The following BAZ2B variants were observed in gnomAD, a reference collection of about 807,000 sequenced individuals.
BAZ2B encodes the protein bromodomain adjacent to zinc finger domain protein 2B.
BAZ2B carries 91 observed loss-of-function variants against 246.0 expected under a neutral mutation model. That is an observed-to-expected ratio of 0.37 (90% CI 0.31 to 0.44). The LOEUF (loss-of-function observed/expected upper bound fraction) is 0.44. Among genes scored for constraint, BAZ2B ranks in the 20% least tolerant of loss-of-function variants. The pLI, the probability that BAZ2B is intolerant of heterozygous loss-of-function variation, is 1.00. For synonymous variants in BAZ2B, 855 were observed against 860.0 expected, an observed-to-expected ratio of 0.99 and a Z score of 0.10; for missense variants, 2,332 against 2,533.7, an observed-to-expected ratio of 0.92 and a Z score of 1.71.
At chr2:159,663,981 G>A in the BAZ2B span, among the ~76,000 whole-genome samples, 4 of 77,278 alleles carry the variant, frequency 5.2e-5, no homozygotes, top group African/African-American at 1.9e-4. Context: ...ACCCACTAAC[G>A]TGTCATCTAG....
chr2:159,496,599 A>T (rs1250693212), intron 2 of BAZ2B, among the ~76,000 whole-genome samples: 3 of 150,952 alleles, frequency 2.0e-5, no homozygotes, highest in Non-Finnish European at 4.4e-5. Context: ...CCTGACCAAC[A>T]TGGAGAAACC....
intron 3 of BAZ2B, among the ~76,000 whole-genome samples, chr2:159,454,790 T>C (rs1421518377): frequency 6.6e-6 from 1 of 152,210 alleles, no homozygotes; most frequent in Non-Finnish European, 1.5e-5. Flanking sequence ...TGGTTACCAA[T>C]ATAAAAATCA....
At chr2:159,626,930 TAAAG>T in the BAZ2B span, among the ~76,000 whole-genome samples, 1 of 151,812 alleles carries the variant, frequency 6.6e-6, no homozygotes, top group East Asian at 1.9e-4. Flanking sequence ...GCCAGACTAA[TAAAG>T]AAGAAAAGAG....
chr2:159,379,575 G>C (rs1280740859), intron 25 of BAZ2B, among the ~76,000 whole-genome samples: 2 of 151,986 alleles, frequency 1.3e-5, no homozygotes, highest in Non-Finnish European at 2.9e-5. Context: ...ATTGGAAATG[G>C]AGAATTTATG....
the BAZ2B span, among the ~76,000 whole-genome samples, chr2:159,627,211 G>A: frequency 2.6e-5 from 4 of 152,028 alleles, no homozygotes; most frequent in Admixed American, 1.3e-4. Context: ...AGGACCAGAC[G>A]GATTCACAGC....
At chr2:159,486,115 T>C (rs924466574) in intron 2 of BAZ2B, among the ~76,000 whole-genome samples, 1 of 152,070 alleles carries the variant, frequency 6.6e-6, no homozygotes, top group Middle Eastern at 3.2e-3. Flanking sequence ...AAATTGTAGG[T>C]ATAGTCTGTG....
At chr2:159,573,868 G>C (rs1684606029) in intron 1 of BAZ2B, among the ~76,000 whole-genome samples, 1 of 152,194 alleles carries the variant, frequency 6.6e-6, no homozygotes, top group Non-Finnish European at 1.5e-5. Context: ...GGGAGGACAA[G>C]GTAGGTAGAT....
At chr2:159,329,583 T>A (rs995753355) in intron 34 of BAZ2B, among the ~76,000 whole-genome samples, 1 of 152,196 alleles carries the variant, frequency 6.6e-6, no homozygotes, top group African/African-American at 2.4e-5. Context: ...GGATAATGTA[T>A]GCAGAAAAAG....
chr2:159,377,743 C>T (rs1033270171), intron 25 of BAZ2B, among the ~76,000 whole-genome samples: 5 of 141,076 alleles, frequency 3.5e-5, no homozygotes, highest in African/African-American at 8.2e-5. Context: ...AACCAGGAGG[C>T]GGAGGTTGCA....
chr2:159,347,685 T>C, intron 30 of BAZ2B, 39 bp from the exon 31 acceptor site: 3 of 1,509,304 alleles, frequency 2.0e-6, no homozygotes, highest in Non-Finnish European at 2.7e-6. Context: ...ATCCACTTAT[T>C]AAGCTTTTCC....
At chr2:159,525,248 G>T (rs942771006) in intron 2 of BAZ2B, among the ~76,000 whole-genome samples, 3 of 152,110 alleles carry the variant, frequency 2.0e-5, no homozygotes, top group Non-Finnish European at 4.4e-5. Context: ...ATAAGCTAAG[G>T]ATCAAAAGCT....
chr2:159,643,487 T>C, the BAZ2B span, among the ~76,000 whole-genome samples: 35 of 152,154 alleles, frequency 2.3e-4, no homozygotes, highest in Non-Finnish European at 4.7e-4. Flanking sequence ...GGCTTCAACA[T>C]ATGAACTTTC....
At chr2:159,460,261 C>T (rs190261087) in intron 3 of BAZ2B, 1 of 152,152 alleles carries the variant, frequency 6.6e-6, no homozygotes, top group Non-Finnish European at 1.5e-5. Context: ...GGTTTTCCCC[C>T]TATCAGAATG....
chr2:159,619,787 A>G (rs1156559767), upstream of BAZ2B, among the ~76,000 whole-genome samples: 1 of 152,046 alleles, frequency 6.6e-6, no homozygotes, highest in Non-Finnish European at 1.5e-5. Context: ...ATGTTATCAT[A>G]CTTTATCATT....
chr2:159,564,089 A>G (rs1365912534), intron 1 of BAZ2B, among the ~76,000 whole-genome samples: 1 of 152,230 alleles, frequency 6.6e-6, no homozygotes, highest in Non-Finnish European at 1.5e-5. Context: ...TCTTATAGTG[A>G]TAAGTACTAC....
At chr2:159,481,206 T>C (rs908274788) in intron 2 of BAZ2B, among the ~76,000 whole-genome samples, 8 of 152,036 alleles carry the variant, frequency 5.3e-5, no homozygotes, top group African/African-American at 1.9e-4. Flanking sequence ...TTTTATTTAC[T>C]ATCATCCCCT....
intron 1 of BAZ2B, among the ~76,000 whole-genome samples, chr2:159,583,806 T>C (rs1468519705): frequency 6.6e-6 from 1 of 152,088 alleles, no homozygotes; most frequent in African/African-American, 2.4e-5. Context: ...TTTTTGTTAG[T>C]GTTAAGGTAA....
intron 2 of BAZ2B, among the ~76,000 whole-genome samples, chr2:159,544,848 A>AT (rs2087115222): frequency 6.6e-6 from 1 of 152,238 alleles, no homozygotes; most frequent in Admixed American, 6.5e-5. Context: ...CTATAAAAGA[A>AT]TGTGTGTTGG....
chr2:159,443,229 G>A (rs2073741548), intron 6 of BAZ2B, among the ~76,000 whole-genome samples: 1 of 152,072 alleles, frequency 6.6e-6, no homozygotes, highest in African/African-American at 2.4e-5. Context: ...TAACTTGTAC[G>A]ACAGTTGGGA....
Sources: gnomAD v4.1 joint callset for allele counts (sites outside exome capture counted in the v4.1 genomes callset) on GRCh38, gnomAD v4.1.1 for gene constraint, MANE v1.5 for transcripts, NCBI Gene and HGNC (gene_info 2026-07-23, HGNC 2026-07-21) for gene names.